PTPRD: variants seen among roughly 807,000 people sequenced by gnomAD.
The protein encoded by PTPRD is receptor-type tyrosine-protein phosphatase delta.
A neutral mutation model predicts 214.5 loss-of-function variants in PTPRD; 34 were observed. The ratio of observed to expected loss-of-function variants is 0.16; its 90% CI spans 0.12 to 0.21. The LOEUF (loss-of-function observed/expected upper bound fraction) is 0.21, where lower values mean the gene tolerates loss of function less well. Ranked by LOEUF, PTPRD falls within the 10% of genes least tolerant of loss-of-function variation. The pLI is 1.00. For synonymous variants in PTPRD, 1,128 were observed against 845.7 expected, an observed-to-expected ratio of 1.33 and a Z score of -5.79; for missense variants, 2,545 against 2,398.7, an observed-to-expected ratio of 1.06 and a Z score of -1.27.
At chr9:8,581,913 CAAAAA>C (rs36007156) in intron 14 of PTPRD, among the ~76,000 whole-genome samples, 76 of 34,950 alleles carry the variant, frequency 2.2e-3, no homozygotes, top group African/African-American at 5.7e-3. Flanking sequence ...ACTCAATCTC[CAAAAA>C]AAAAAAAAAA....
intron 2 of PTPRD, among the ~76,000 whole-genome samples, chr9:10,476,674 T>C (rs1008360948): frequency 6.6e-6 from 1 of 152,130 alleles, no homozygotes; most frequent in South Asian, 2.1e-4. Context: ...ATAGCCCATA[T>C]AGCCAAGACA....
At chr9:8,635,986 A>T (rs1035886009) in intron 13 of PTPRD, among the ~76,000 whole-genome samples, 7 of 152,206 alleles carry the variant, frequency 4.6e-5, no homozygotes, top group Admixed American at 6.6e-5. Flanking sequence ...TCCTGAATAA[A>T]GAAAACCAAC....
At chr9:9,083,740 A>G (rs1314489638) in intron 10 of PTPRD, among the ~76,000 whole-genome samples, 2 of 152,216 alleles carry the variant, frequency 1.3e-5, no homozygotes, top group African/African-American at 4.8e-5. Context: ...AAAGTGGGCT[A>G]AAGATTTGAA....
chr9:8,900,119 C>T (rs987847045), intron 11 of PTPRD, among the ~76,000 whole-genome samples: 2 of 151,882 alleles, frequency 1.3e-5, no homozygotes, highest in Non-Finnish European at 2.9e-5. Context: ...TTTTTAAGGC[C>T]GTGAGCGGAC....
At chr9:10,381,120 G>C (rs73404213) in intron 2 of PTPRD, among the ~76,000 whole-genome samples, 6,550 of 150,974 alleles carry the variant, frequency 0.043, 465 homozygotes, top group African/African-American at 0.15. Context: ...AAGACAAAAA[G>C]TAACCCAAAC....
intron 5 of PTPRD, among the ~76,000 whole-genome samples, chr9:9,891,628 T>G (rs1053080638): frequency 1.3e-5 from 2 of 152,028 alleles, no homozygotes; most frequent in African/African-American, 2.4e-5. Flanking sequence ...AGTTTGATGG[T>G]TATTGAGAGT....
intron 8 of PTPRD, among the ~76,000 whole-genome samples, chr9:9,491,063 G>A (rs1419484264): frequency 6.6e-6 from 1 of 151,708 alleles, no homozygotes; most frequent in Non-Finnish European, 1.5e-5. Flanking sequence ...ACTCTCTTTA[G>A]ATTCAAAGAC....
chr9:9,775,659 C>A lies in PTPRD; in HGVS notation c.-367-8808G>T, dbSNP rs561791545. On this transcript the variant is annotated intron_variant, in intron 5 of 45. Transcript: ENST00000381196. ...TAGGGAGATTACTAAAAAGCGAATTCTTGGCTGGTTGCGGTGGCTCACGCC... is the reference window on the plus strand; with the variant it reads ...TAGGGAGATTACTAAAAAGCGAATTATTGGCTGGTTGCGGTGGCTCACGCC... Among the ~76,000 whole-genome samples the A allele has an allele frequency of 5.3e-5, 8 of 152,164 alleles. No homozygotes were observed. The South Asian group carries it at 1.0e-3, about 20-fold the overall frequency.
chr9:8,542,271 T>A (rs1461801407), intron 14 of PTPRD, among the ~76,000 whole-genome samples: 1 of 152,170 alleles, frequency 6.6e-6, no homozygotes, highest in Non-Finnish European at 1.5e-5. Flanking sequence ...CATTAAAAAA[T>A]GGCTTTTTAA....
intron 3 of PTPRD, among the ~76,000 whole-genome samples, chr9:10,261,898 A>C (rs918712485): frequency 1.2e-4 from 19 of 152,134 alleles, no homozygotes; most frequent in Non-Finnish European, 2.4e-4. Flanking sequence ...AACAAGCTTC[A>C]CCTTCTAGAA....
intron 11 of PTPRD, among the ~76,000 whole-genome samples, chr9:8,906,238 A>C (rs1289909811): frequency 1.3e-5 from 2 of 152,188 alleles, no homozygotes; most frequent in Non-Finnish European, 1.5e-5. Context: ...TGGTTTATAG[A>C]AGTTTAAAAG....
chr9:10,547,142 C>T (rs1413566081), intron 2 of PTPRD, among the ~76,000 whole-genome samples: 1 of 152,064 alleles, frequency 6.6e-6, no homozygotes, highest in Non-Finnish European at 1.5e-5. Flanking sequence ...TCAATATCAA[C>T]AGAAGAATTG....
At chr9:10,205,970 G>A (rs1409500358) in intron 3 of PTPRD, among the ~76,000 whole-genome samples, 1 of 151,038 alleles carries the variant, frequency 6.6e-6, no homozygotes, top group Non-Finnish European at 1.5e-5. Context: ...TGCTCACAAT[G>A]AGCTTTTAAT....
chr9:8,757,285 G>C (rs1237845930), intron 11 of PTPRD, among the ~76,000 whole-genome samples: 1 of 152,134 alleles, frequency 6.6e-6, no homozygotes, highest in Non-Finnish European at 1.5e-5. Flanking sequence ...TAGGGAATGT[G>C]AACAATTAGA....
intron 12 of PTPRD, among the ~76,000 whole-genome samples, chr9:8,722,357 G>A (rs567512125): frequency 6.6e-6 from 1 of 152,002 alleles, no homozygotes; most frequent in Non-Finnish European, 1.5e-5. Flanking sequence ...CATTATTTAA[G>A]GCAAATCTGG....
At chr9:9,324,080 A>G (rs986824609) in intron 9 of PTPRD, among the ~76,000 whole-genome samples, 2 of 152,154 alleles carry the variant, frequency 1.3e-5, no homozygotes, top group Non-Finnish European at 2.9e-5. Context: ...TTCTTAATCC[A>G]GTCTATCATT....
chr9:10,529,706 G>A lies in PTPRD; in HGVS notation c.-600+82692C>T, dbSNP rs557870875. ...ACGTTCTGCACATGTATCCCAGAATGTAAAGTATAATAATAATAATAAAAA... is the reference window on the plus strand; with the variant it reads ...ACGTTCTGCACATGTATCCCAGAATATAAAGTATAATAATAATAATAAAAA... On this transcript the variant is annotated intron_variant, in intron 2 of 45. Coordinates refer to ENST00000381196, the MANE Select transcript of PTPRD (RefSeq NM_002839.4). Among the ~76,000 whole-genome samples, 3 of 145,892 alleles carry A rather than the reference G, an allele frequency of 2.1e-5. No individual in the cohort carries two copies. The South Asian group carries it at 6.7e-4, about 33-fold the overall frequency.
rs1459907398 is a variant in PTPRD, at chr9:8,388,793, A to AT, written c.4386+438_4386+439insA. On this transcript the variant is annotated intron_variant, in intron 37 of 45. Coordinates refer to ENST00000381196, the MANE Select transcript of PTPRD (RefSeq NM_002839.4). The stretch of plus-strand genomic sequence containing the variant: ...TTATACTAATGTGAATAATTTAAGC[A>AT]AAAGCCTCTTTCACAGAACTTAAGT... 1.4e-4 allele frequency among the ~76,000 whole-genome samples: 22 copies of AT among 152,332 alleles called. No individual in the cohort carries two copies. The East Asian group carries it at 3.9e-3, about 27-fold the overall frequency.
At chr9:9,740,339 C>A (rs1324607717) in intron 6 of PTPRD, among the ~76,000 whole-genome samples, 1 of 150,914 alleles carries the variant, frequency 6.6e-6, no homozygotes, top group Non-Finnish European at 1.5e-5. Flanking sequence ...TGAAGTTGTT[C>A]CATTTTATCT....
Sources: allele counts gnomAD v4.1 joint callset (sites outside exome capture counted in the v4.1 genomes callset), GRCh38; gene constraint gnomAD v4.1.1; transcripts MANE v1.5; gene names NCBI Gene and HGNC (gene_info 2026-07-23, HGNC 2026-07-21).